The following MAPK10 variants were observed in gnomAD, a reference collection of about 807,000 sequenced individuals.
MAPK10 encodes the protein mitogen-activated protein kinase 10.
A neutral mutation model predicts 59.3 loss-of-function variants in MAPK10; 25 were observed. That is an observed-to-expected ratio of 0.42 (90% CI 0.31 to 0.59). The LOEUF (loss-of-function observed/expected upper bound fraction) is 0.59, where lower values mean the gene tolerates loss of function less well. Ranked by LOEUF, MAPK10 falls within the 20% of genes least tolerant of loss-of-function variation. The probability of loss-of-function intolerance (pLI) is 0.15; values close to 1 mark genes in which losing one functional copy is unlikely to be tolerated. For synonymous variants in MAPK10, 190 were observed against 200.5 expected, an observed-to-expected ratio of 0.95 and a Z score of 0.44; for missense variants, 351 against 568.9, an observed-to-expected ratio of 0.62 and a Z score of 3.90.
chr4:86,113,577 G>A (rs1436772225), intron 4 of MAPK10, among the ~76,000 whole-genome samples: 2 of 152,184 alleles, frequency 1.3e-5, no homozygotes, highest in Non-Finnish European at 2.9e-5. Flanking sequence ...TTTCTGCTGA[G>A]AGGTCTGTTG....
At chr4:86,222,047 T>A (rs2089754481) in intron 2 of MAPK10, among the ~76,000 whole-genome samples, 1 of 152,258 alleles carries the variant, frequency 6.6e-6, no homozygotes. Context: ...TTGCTCGTCT[T>A]CCAGACATGT....
chr4:86,069,774 G>A (rs1048702119), intron 9 of MAPK10, among the ~76,000 whole-genome samples: 16 of 152,014 alleles, frequency 1.1e-4, no homozygotes, highest in Non-Finnish European at 2.1e-4. Context: ...AGGCAAAGAA[G>A]ATGTCAGATT....
chr4:86,476,299 C>T (rs1165109772), intron 1 of MAPK10, among the ~76,000 whole-genome samples: 1 of 152,118 alleles, frequency 6.6e-6, no homozygotes, highest in African/African-American at 2.4e-5. Context: ...CCTTTTATCA[C>T]CTCCACTCCT....
chr4:86,344,722 C>T (rs1231441444), intron 2 of MAPK10, among the ~76,000 whole-genome samples: 1 of 152,020 alleles, frequency 6.6e-6, no homozygotes, highest in Non-Finnish European at 1.5e-5. Flanking sequence ...CAGTAATCTG[C>T]CCATTGAAAA....
intron 1 of MAPK10, among the ~76,000 whole-genome samples, chr4:86,545,383 T>C (rs1252263788): frequency 6.6e-6 from 1 of 152,158 alleles, no homozygotes; most frequent in Non-Finnish European, 1.5e-5. Context: ...GACGGCATTT[T>C]AGTGAGGATG....
chr4:86,590,707 G>A (rs1762978956), intron 1 of MAPK10, among the ~76,000 whole-genome samples: 1 of 152,012 alleles, frequency 6.6e-6, no homozygotes, highest in African/African-American at 2.4e-5. Context: ...GATAGCTTGA[G>A]CATAGGAGGT....
At chr4:86,354,131 A>G (rs948351827) in intron 2 of MAPK10, among the ~76,000 whole-genome samples, 1 of 151,942 alleles carries the variant, frequency 6.6e-6, no homozygotes, top group Non-Finnish European at 1.5e-5. Flanking sequence ...TGTTCCTGAA[A>G]GAAAACCATA....
intron 1 of MAPK10, among the ~76,000 whole-genome samples, chr4:86,564,238 G>C (rs1429723925): frequency 6.6e-6 from 1 of 152,150 alleles, no homozygotes; most frequent in African/African-American, 2.4e-5. Flanking sequence ...TGATAAGAGG[G>C]GCTACTGTAC....
At chr4:86,364,847 G>A (rs1737578055), upstream of MAPK10, among the ~76,000 whole-genome samples, 1 of 151,954 alleles carries the variant, frequency 6.6e-6, no homozygotes, top group Admixed American at 6.6e-5. Flanking sequence ...CAGTGTGATG[G>A]CACATGCTTA....
intron 1 of MAPK10, among the ~76,000 whole-genome samples, chr4:86,551,040 GA>G (rs1359600511): frequency 2.0e-5 from 3 of 152,202 alleles, no homozygotes; most frequent in Admixed American, 2.0e-4. Context: ...CTGTTTGCCT[GA>G]AATTAAAGAA....
chr4:86,382,400 T>G (rs992222112), intron 1 of MAPK10, among the ~76,000 whole-genome samples: 1 of 152,130 alleles, frequency 6.6e-6, no homozygotes, highest in African/African-American at 2.4e-5. Flanking sequence ...AATTAAGCTT[T>G]TACTTATTAT....
rs746166118 is a variant in MAPK10 at position 86,462,262 on chromosome 4, A to G, written c.-262-107618T>C. ...TAAATTTAAAAGGGGTACAAGTACA[A>G]AGAGGAGTCATTGATTCACATTACA... On this transcript the variant is annotated intron_variant, in intron 1 of 4. Coordinates refer to the MAPK10 transcript ENST00000502302. Among the ~76,000 whole-genome samples the G allele has an allele frequency of 3.3e-5, 5 of 152,232 alleles. No homozygotes were observed. The East Asian group carries it at 9.6e-4, about 29-fold the overall frequency.
intron 4 of MAPK10, among the ~76,000 whole-genome samples, chr4:86,140,283 C>A (rs2063329896): frequency 7.5e-6 from 1 of 133,144 alleles, no homozygotes; most frequent in Admixed American, 7.6e-5. Flanking sequence ...GGAACCAACC[C>A]AAATGTCCAA....
chr4:86,122,079 G>A (rs2059349705), intron 4 of MAPK10, among the ~76,000 whole-genome samples: 1 of 151,914 alleles, frequency 6.6e-6, no homozygotes, highest in South Asian at 2.1e-4. Context: ...TATTAACTGA[G>A]AAAAATGGGT....
chr4:86,579,271 C>G (rs1237055838), intron 1 of MAPK10, among the ~76,000 whole-genome samples: 2 of 152,186 alleles, frequency 1.3e-5, no homozygotes, highest in Non-Finnish European at 2.9e-5. Context: ...ACCCACATCT[C>G]CATTTTCCTT....
intron 2 of MAPK10, among the ~76,000 whole-genome samples, chr4:86,264,869 G>C (rs1481757061): frequency 6.9e-6 from 1 of 145,802 alleles, no homozygotes; most frequent in Admixed American, 6.8e-5. Flanking sequence ...CCCTTCTCTA[G>C]GTTTTTGATG....
At chr4:86,363,053 C>G (rs1043189348), upstream of MAPK10, among the ~76,000 whole-genome samples, 2 of 152,070 alleles carry the variant, frequency 1.3e-5, no homozygotes, top group African/African-American at 4.8e-5. Context: ...AATATATCAA[C>G]TAGACAGCAG....
At chr4:86,139,312 A>G (rs1161616833) in intron 4 of MAPK10, among the ~76,000 whole-genome samples, 2 of 150,364 alleles carry the variant, frequency 1.3e-5, no homozygotes, top group Non-Finnish European at 2.9e-5. Flanking sequence ...CCAAAACAGC[A>G]TGTTACTGGT....
intron 2 of MAPK10, among the ~76,000 whole-genome samples, chr4:86,242,124 C>G (rs574375544): frequency 6.6e-6 from 1 of 151,972 alleles, no homozygotes. Context: ...AGGGCTCCTG[C>G]AGTTTGCTGG....
Sources: gnomAD v4.1 joint callset for allele counts (sites outside exome capture counted in the v4.1 genomes callset) on GRCh38, gnomAD v4.1.1 for gene constraint, MANE v1.5 for transcripts, NCBI Gene and HGNC (gene_info 2026-07-23, HGNC 2026-07-21) for gene names.